The following GPC6 variants were observed in gnomAD, a reference collection of about 807,000 sequenced individuals.
GPC6 encodes the protein glypican-6.
GPC6 carries 14 observed loss-of-function variants against 55.2 expected under a neutral mutation model. The ratio of observed to expected loss-of-function variants is 0.25; its 90% CI spans 0.17 to 0.40. GPC6 has a LOEUF of 0.40. GPC6 is among the 10% of genes least tolerant of loss of function. The pLI, the probability that GPC6 is intolerant of heterozygous loss-of-function variation, is 1.00. For synonymous variants in GPC6, 278 were observed against 259.6 expected (o/e 1.07, Z -0.68); for missense variants, 641 against 708.5 (o/e 0.90, Z 1.08).
chr13:93,499,315 A>G (rs1880437518), intron 1 of GPC6, among the ~76,000 whole-genome samples: 1 of 152,202 alleles, frequency 6.6e-6, no homozygotes, highest in African/African-American at 2.4e-5. Flanking sequence ...CACTAAACTC[A>G]AGAGTTTCTG....
At chr13:94,322,337 C>G (rs934020085) in intron 6 of GPC6, among the ~76,000 whole-genome samples, 1 of 152,170 alleles carries the variant, frequency 6.6e-6, no homozygotes, top group African/African-American at 2.4e-5. Context: ...ATAAATTACC[C>G]AGTCTCAGGT....
In GPC6 at chr13:93,851,760, C is replaced by T. The variant is rs181361934; in HGVS notation, c.711+21215C>T. ...TGCAGGTGAATCTAGTATATCAAAT[C>T]GCACAGTCAACAGGATTTTGTGTAC... is the stretch of plus-strand genomic sequence containing the variant. On this transcript the variant is annotated intron_variant, in intron 3 of 8. Transcript: ENST00000377047. Among the ~76,000 whole-genome samples, 44 of 151,702 alleles carry T rather than the reference C, an allele frequency of 2.9e-4. No homozygotes were observed. In the East Asian group the frequency reaches 7.2e-3, roughly 25 times the overall value.
chr13:94,290,755 A>T (rs1201108290), intron 5 of GPC6, among the ~76,000 whole-genome samples: 1 of 152,248 alleles, frequency 6.6e-6, no homozygotes, highest in Non-Finnish European at 1.5e-5. Context: ...TCAAGAGATC[A>T]GATGGGCTAT....
chr13:94,217,483 G>A (rs1489793224), intron 4 of GPC6, among the ~76,000 whole-genome samples: 5 of 152,080 alleles, frequency 3.3e-5, no homozygotes, highest in South Asian at 2.1e-4. Context: ...GTGAATCCTG[G>A]AATGCATCTT....
chr13:94,016,510 G>T (rs1269681803), intron 3 of GPC6, among the ~76,000 whole-genome samples: 1 of 152,114 alleles, frequency 6.6e-6, no homozygotes, highest in African/African-American at 2.4e-5. Context: ...GCTTTGTAGT[G>T]CATTTGAAGT....
intron 2 of GPC6, among the ~76,000 whole-genome samples, chr13:93,653,638 A>T (rs1404876727): frequency 2.6e-5 from 1 of 39,044 alleles, no homozygotes; most frequent in Admixed American, 2.5e-4. Context: ...TTTTAAACTT[A>T]AAAAAAATAT....
At chr13:94,146,676 C>T (rs1371766093) in intron 4 of GPC6, among the ~76,000 whole-genome samples, 1 of 152,010 alleles carries the variant, frequency 6.6e-6, no homozygotes, top group Non-Finnish European at 1.5e-5. Context: ...ACATACCTCA[C>T]AAGATTTAAA....
chr13:93,547,067 A>G (rs1874828868), intron 2 of GPC6, among the ~76,000 whole-genome samples: 1 of 152,084 alleles, frequency 6.6e-6, no homozygotes, highest in African/African-American at 2.4e-5. Context: ...ATGGTGGCTC[A>G]TGCCTGTAAT....
At chr13:94,034,185 G>GAA (rs1883243536) in intron 4 of GPC6, among the ~76,000 whole-genome samples, 1 of 98,456 alleles carries the variant, frequency 1.0e-5, no homozygotes, top group Non-Finnish European at 2.5e-5. Context: ...ACTACTTGCT[G>GAA]AGAGAAAGAA....
At chr13:94,354,341 A>T (rs1878690566) in intron 6 of GPC6, among the ~76,000 whole-genome samples, 1 of 145,144 alleles carries the variant, frequency 6.9e-6, no homozygotes, top group African/African-American at 2.7e-5. Flanking sequence ...CACTGTCAAA[A>T]AAGATACAAA....
intron 1 of GPC6, among the ~76,000 whole-genome samples, chr13:93,375,984 A>G (rs1874877849): frequency 6.6e-6 from 1 of 152,194 alleles, no homozygotes; most frequent in East Asian, 1.9e-4. Flanking sequence ...CATAACATCA[A>G]TAAATGGTGG....
chr13:94,139,033 G>A (rs79961857), intron 4 of GPC6, among the ~76,000 whole-genome samples: 4,892 of 152,092 alleles, frequency 0.032, 263 homozygotes, highest in African/African-American at 0.11. Context: ...CAGTTTCCAG[G>A]AGATGACACT....
chr13:93,846,513 T>C (rs1888185931), intron 3 of GPC6, among the ~76,000 whole-genome samples: 1 of 152,178 alleles, frequency 6.6e-6, no homozygotes. Context: ...GAGCCACATA[T>C]ATAATTTGAA....
intron 2 of GPC6, among the ~76,000 whole-genome samples, chr13:93,823,603 G>A (rs2138969736): frequency 6.6e-6 from 1 of 152,090 alleles, no homozygotes; most frequent in Non-Finnish European, 1.5e-5. Context: ...ATCCACTTTT[G>A]TCTCCAGTTA....
chr13:94,130,725 C>T (rs1886975975), intron 4 of GPC6, among the ~76,000 whole-genome samples: 1 of 152,020 alleles, frequency 6.6e-6, no homozygotes. Flanking sequence ...AGAAAATGAC[C>T]ATGAAGTCAT....
chr13:93,521,971 G>C (rs1209971656), intron 1 of GPC6, among the ~76,000 whole-genome samples: 2 of 151,864 alleles, frequency 1.3e-5, no homozygotes, highest in Non-Finnish European at 2.9e-5. Context: ...TTTTATTTAA[G>C]TCACCTTTAT....
At chr13:93,744,765 T>C (rs1465191503) in intron 2 of GPC6, among the ~76,000 whole-genome samples, 1 of 151,094 alleles carries the variant, frequency 6.6e-6, no homozygotes, top group African/African-American at 2.4e-5. Context: ...CCGTCTCTAC[T>C]GAAAAAAAAA....
intron 1 of GPC6, among the ~76,000 whole-genome samples, chr13:93,494,434 G>A (rs1473949600): frequency 1.3e-5 from 2 of 151,642 alleles, no homozygotes; most frequent in Admixed American, 1.3e-4. Flanking sequence ...CGTGAGATGG[G>A]TTTCCTGAAT....
At chr13:93,843,831 T>C (rs1888056543) in intron 3 of GPC6, among the ~76,000 whole-genome samples, 2 of 152,276 alleles carry the variant, frequency 1.3e-5, no homozygotes, top group African/African-American at 4.8e-5. Flanking sequence ...CAGTGCTAGT[T>C]GCCATTTAGC....
Sources: gnomAD v4.1 joint callset for allele counts (sites outside exome capture counted in the v4.1 genomes callset) on GRCh38, gnomAD v4.1.1 for gene constraint, MANE v1.5 for transcripts, NCBI Gene and HGNC (gene_info 2026-07-23, HGNC 2026-07-21) for gene names.